Variants in BRPF3 observed in about 807,000 individuals in gnomAD.
BRPF3 encodes bromodomain and PHD finger containing 3, also known as bromodomain and PHD finger-containing protein 3.
In BRPF3, 18 loss-of-function variants were observed where a neutral mutation model predicts 102.0. The ratio of observed to expected loss-of-function variants is 0.18; its 90% CI spans 0.12 to 0.26. The LOEUF is 0.26. Ranked by LOEUF, BRPF3 falls within the 10% of genes least tolerant of loss-of-function variation. BRPF3 has a pLI of 1.00. For missense variants in BRPF3, 1,147 were observed against 1,567.8 expected, an observed-to-expected ratio of 0.73 and a Z score of 4.53; for synonymous variants, 570 against 614.2, an observed-to-expected ratio of 0.93 and a Z score of 1.06.
chr6:36,201,042 C>T lies in BRPF3; in HGVS notation c.720C>T (p.His240=), dbSNP rs756235772. 5 of 1,614,126 alleles carry T rather than the reference C, an allele frequency of 3.1e-6. No homozygotes were observed. Among genetic ancestry groups the T allele is most frequent in the Non-Finnish European group, 4.2e-6 (5 of 1,180,038 alleles). The change falls in exon 2 of 13, where the codon CAC becomes CAT. Residue 240 remains histidine, a synonymous_variant. Transcript: ENST00000357641. The surrounding 1 kb of genome is among the most constrained non-coding windows in gnomAD (Gnocchi z 5.1). ...GTGACATCTGCAACCTGGCTGTACACCAGGAGTGCTATGGCGTCCCATACA... is the reference window on the plus strand; with the variant it reads ...GTGACATCTGCAACCTGGCTGTACATCAGGAGTGCTATGGCGTCCCATACA... ...LFCDICNLAV[H]QECYGVPYIP... is the part of the protein sequence containing the mutation.
chr6:36,207,458 C>T lies in BRPF3; in HGVS notation c.1737+14C>T. 6.2e-7 allele frequency: 1 copy of T among 1,613,404 alleles called. No homozygotes were observed. Among genetic ancestry groups the T allele is most frequent in the Middle Eastern group, 1.7e-4 (1 of 6,040 alleles). ...AAACGAGAGCAGGTAAGGAGGAGCC[C>T]CCAGCCCTAGGGCCCTAGTTCAAGG... On this transcript the variant is annotated intron_variant, in intron 4 of 12. Coordinates refer to ENST00000357641, the MANE Select transcript of BRPF3 (RefSeq NM_015695.3).
At chr6:36,219,332 T>C (rs149177686) in intron 9 of BRPF3, among the ~76,000 whole-genome samples, 17 of 152,032 alleles carry the variant, frequency 1.1e-4, no homozygotes, top group Admixed American at 4.6e-4. Flanking sequence ...TGGGAAAAAA[T>C]TATCAGGCAC....
chr6:36,213,402 C>G (rs1311023694), intron 7 of BRPF3, among the ~76,000 whole-genome samples: 1 of 152,004 alleles, frequency 6.6e-6, no homozygotes, highest in East Asian at 1.9e-4. Context: ...ATAAAACTTA[C>G]TTCTCCTGGG....
At chr6:36,219,718 G>C (rs1768466417) in intron 9 of BRPF3, among the ~76,000 whole-genome samples, 1 of 152,130 alleles carries the variant, frequency 6.6e-6, no homozygotes, top group South Asian at 2.1e-4. Flanking sequence ...AGATCCAAAG[G>C]CTTCAACTGC....
rs749211995 is a variant in BRPF3 at position 36,210,160 on chromosome 6, T to C, written c.1867-56T>C. 5 of 1,581,216 alleles carry C rather than the reference T, an allele frequency of 3.2e-6. No homozygotes were observed. Among genetic ancestry groups the C allele is most frequent in the Non-Finnish European group, 4.3e-6 (5 of 1,151,136 alleles). ...GGAGGCCAAGAGTATTGGTGAAGGG[T>C]GTGTCTGTTTGGCTAGTAAATGGTT... On this transcript the variant is annotated intron_variant, in intron 5 of 12. Coordinates refer to ENST00000357641, the MANE Select transcript of BRPF3 (RefSeq NM_015695.3). The surrounding 1 kb of genome is among the most constrained non-coding windows in gnomAD (Gnocchi z 4.7).
chr6:36,229,336 C>T (rs1273800979), intron 12 of BRPF3, among the ~76,000 whole-genome samples: 2 of 152,204 alleles, frequency 1.3e-5, no homozygotes, highest in Non-Finnish European at 2.9e-5. Flanking sequence ...TGAACTACAG[C>T]CCACTTGCTG....
intron 1 of BRPF3, among the ~76,000 whole-genome samples, chr6:36,198,495 G>A (rs901729110): frequency 2.6e-5 from 4 of 152,074 alleles, no homozygotes; most frequent in Admixed American, 2.0e-4. Context: ...GGAAGACCTG[G>A]GTTCAAATTG....
intron 10 of BRPF3, 39 bp from the exon 11 acceptor site, chr6:36,225,227 TC>T: frequency 6.4e-7 from 1 of 1,570,622 alleles, no homozygotes. Flanking sequence ...CCATTCCAAG[TC>T]CCCTTTGGGT....
At position 36,207,417 on chromosome 6, in the gene BRPF3, G is replaced by A. The variant is rs760672381; in HGVS notation, c.1710G>A (p.Arg570=). The A allele has an allele frequency of 6.2e-7, 1 of 1,614,048 alleles. No individual in the cohort carries two copies. Among genetic ancestry groups the A allele is most frequent in the Non-Finnish European group, 8.5e-7 (1 of 1,179,944 alleles). Residue 570 remains arginine (R), a synonymous_variant, in exon 4 of 13, where the codon CGG becomes CGA. Coordinates refer to ENST00000357641, the MANE Select transcript of BRPF3 (RefSeq NM_015695.3). ...ERARLLIELI[R]KREKLKREQV... ...CGCGGCTGCTGATTGAGCTGATTCG[G>A]AAGAGAGAGAAGCTCAAACGAGAGC... is the stretch of plus-strand genomic sequence containing the variant.
chr6:36,222,052 C>T, intron 9 of BRPF3, 116 bp from the exon 10 acceptor site: 2 of 983,316 alleles, frequency 2.0e-6, no homozygotes, highest in Non-Finnish European at 3.1e-6. Context: ...AACTGTCCTC[C>T]CTGAAGAGTT....
intron 9 of BRPF3, among the ~76,000 whole-genome samples, chr6:36,221,785 C>T (rs1046028490): frequency 5.9e-4 from 90 of 152,166 alleles, no homozygotes; most frequent in Non-Finnish European, 5.1e-4. Flanking sequence ...TAAAGAAAAG[C>T]GATGTGAACC....
chr6:36,209,907 T>G lies in BRPF3; in HGVS notation c.1858T>G (p.Leu620Val), dbSNP rs753901443. ...ACACATCTTCGCAGAACCAGTCAAC[T>G]TGAGTGAGGCAAGTTCCCCCTACTT... ...PAHIFAEPVN[L>V]SEVPDYLEFI... The change falls in exon 5 of 13, where the codon TTG becomes GTG. Residue 620 changes from leucine (L) to valine (V), a missense_variant. Transcript: ENST00000357641. 1 of 1,613,924 alleles carries G rather than the reference T, an allele frequency of 6.2e-7. No individual in the cohort carries two copies. The highest frequency in any genetic ancestry group is 8.5e-7 in the Non-Finnish European group (1 of 1,179,978).
chr6:36,212,877 C>T (rs542018702), intron 7 of BRPF3, among the ~76,000 whole-genome samples: 16 of 151,836 alleles, frequency 1.1e-4, no homozygotes, highest in Non-Finnish European at 1.8e-4. Context: ...GGCGTGAACC[C>T]GGGAAGCGGA....
At chr6:36,229,175 T>C in intron 12 of BRPF3, 119 bp downstream of exon 12, 1 of 1,315,102 alleles carries the variant, frequency 7.6e-7, no homozygotes. Flanking sequence ...GGTCTCCACT[T>C]GCCAGCAACA....
chr6:36,197,245 G>A (rs1312153775), intron 1 of BRPF3: 5 of 132,968 alleles, frequency 3.8e-5, no homozygotes, highest in Admixed American at 3.0e-4. Flanking sequence ...CCCCCGCCAC[G>A]CCTTCCAATT....
At position 36,220,791 on chromosome 6, in the gene BRPF3, C is replaced by T. The variant is rs145974841; in HGVS notation, c.3084-1377C>T. 3.2e-3 allele frequency among the ~76,000 whole-genome samples: 480 copies of T among 152,226 alleles called. 2 individuals carry two copies. The highest frequency in any genetic ancestry group is 0.011 in the African/African-American group (454 of 41,528). On this transcript the variant is annotated intron_variant, in intron 9 of 12. Transcript: ENST00000357641. ...TATTTTGACTAGCAATAAAAACTAC[C>T]AACCTAACTACAGGTTACTGAAAAA...
intron 1 of BRPF3, among the ~76,000 whole-genome samples, chr6:36,198,281 C>T (rs546951095): frequency 2.3e-3 from 356 of 152,250 alleles, no homozygotes; most frequent in Non-Finnish European, 3.7e-3. Flanking sequence ...GTTAATAATA[C>T]CTTATTAACA....
At chr6:36,207,912 A>T (rs1767962051) in intron 4 of BRPF3, among the ~76,000 whole-genome samples, 1 of 152,204 alleles carries the variant, frequency 6.6e-6, no homozygotes, top group Non-Finnish European at 1.5e-5. Flanking sequence ...AGCATAGGAA[A>T]TGTTGAGGTA....
intron 9 of BRPF3, among the ~76,000 whole-genome samples, chr6:36,219,213 C>A (rs1768441481): frequency 6.6e-6 from 1 of 152,130 alleles, no homozygotes. Flanking sequence ...TACTCGTTGG[C>A]CTGGACTGGT....
Sources: gnomAD v4.1 joint callset for allele counts (sites outside exome capture counted in the v4.1 genomes callset) on GRCh38, gnomAD v4.1.1 for gene constraint, Gnocchi (gnomAD v3.1) non-coding constraint, MANE v1.5 for transcripts, NCBI Gene and HGNC (gene_info 2026-07-23, HGNC 2026-07-21) for gene names.